The following CSMD2 variants were observed in gnomAD, a reference collection of about 807,000 sequenced individuals.
CSMD2 encodes CUB and Sushi multiple domains 2, also known as CUB and sushi domain-containing protein 2.
CSMD2 carries 130 observed loss-of-function variants against 398.5 expected under a neutral mutation model. The ratio of observed to expected loss-of-function variants is 0.33; its 90% CI spans 0.28 to 0.38. CSMD2 has a LOEUF of 0.38. Ranked by LOEUF, CSMD2 falls within the 10% of genes least tolerant of loss-of-function variation. CSMD2 has a pLI of 1.00. For missense variants in CSMD2, 3,829 were observed against 4,764.9 expected (o/e 0.80, Z 5.78); for synonymous variants, 1,828 against 1,908.5 (o/e 0.96, Z 1.10).
intron 5 of CSMD2, among the ~76,000 whole-genome samples, chr1:33,858,388 T>A (rs1570290926): frequency 6.6e-6 from 1 of 152,248 alleles, no homozygotes; most frequent in South Asian, 2.1e-4. Context: ...GTTGCTTCCT[T>A]ACCCTAGCCC....
intron 2 of CSMD2, among the ~76,000 whole-genome samples, chr1:34,050,481 G>A (rs1449849088): frequency 6.6e-6 from 1 of 152,188 alleles, no homozygotes; most frequent in East Asian, 1.9e-4. Flanking sequence ...GGATTCACTG[G>A]TCCTACCATG....
Position 33,636,455 on chromosome 1 carries a change from T to A in CSMD2, c.4874A>T (p.His1625Leu). ...GGTGCCCTCAACTTCGTAGCCCCCG[T>A]GGCAGTAGTAGGTGACGGAGGAGCC... ...KLGSSVTYYC[H>L]GGYEVEGTST... The change falls in exon 30 of 71, where the codon CAC (histidine) becomes CTC (leucine). Residue 1625 changes from histidine to leucine, a missense_variant. Physicochemically the swap from His to Leu is moderately conservative, Grantham distance 99 (BLOSUM62 -3). This residue lies in a region of CSMD2 where 2,001 missense variants were observed against 2,567.1 expected (regional missense o/e 0.78). Transcript: ENST00000373381. The surrounding 1 kb of genome is among the most constrained non-coding windows in gnomAD (Gnocchi z 4.8). The A allele has an allele frequency of 6.2e-7, 1 of 1,614,126 alleles. No individual in the cohort carries two copies. Among genetic ancestry groups the A allele is most frequent in the Non-Finnish European group, 8.5e-7 (1 of 1,180,020 alleles).
chr1:33,582,203 A>T (rs1638774021), intron 47 of CSMD2, among the ~76,000 whole-genome samples: 1 of 152,164 alleles, frequency 6.6e-6, no homozygotes, highest in Admixed American at 6.5e-5. Context: ...GGCCAGGTGG[A>T]ATTACTTAAC....
intron 9 of CSMD2, chr1:33,815,244 AC>A (rs1657325067): frequency 6.6e-6 from 1 of 151,940 alleles, no homozygotes; most frequent in South Asian, 2.1e-4. Flanking sequence ...ATTATACTTG[AC>A]CTCTCTAGAG....
chr1:33,617,603 T>G lies in CSMD2; in HGVS notation c.5842A>C (p.Ser1948Arg). 1.9e-6 allele frequency: 3 copies of G among 1,613,836 alleles called. No individual in the cohort carries two copies. Among genetic ancestry groups the G allele is most frequent in the Non-Finnish European group, 1.7e-6 (2 of 1,179,784 alleles). The change falls in exon 38 of 71, where the codon AGT becomes CGT. Residue 1948 changes from serine to arginine, a missense_variant. Coordinates refer to ENST00000373381, the MANE Select transcript of CSMD2 (RefSeq NM_001281956.2). ...CTGGGCACAGCAGGTTCCGGACAAC[T>G]GCTCAGGCCCACCGCTAGACAAGAC... ...HLEYKTVGLSSCPEPAVPSNG... is the reference protein window; with the variant it reads ...HLEYKTVGLSRCPEPAVPSNG...
In CSMD2 at chr1:33,743,579, G is replaced by T. The variant is rs571499073; in HGVS notation, c.1874C>A (p.Pro625Gln). The change falls in exon 14 of 71, where the codon CCG becomes CAG. Residue 625 changes from proline (P) to glutamine (Q), a missense_variant. Pro to Gln is a moderately conservative substitution (Grantham distance 76). This residue lies in a region of CSMD2 where 2,001 missense variants were observed against 2,567.1 expected (regional missense o/e 0.78). Transcript: ENST00000373381. ...VFSCFFNFTS[P>Q]SGVVLSPNYP... ...GTTGGGAGACAGGACAACCCCAGAC[G>T]GGCTGGTGAAGTTGAAGAAGCAGGA... 1 of 1,604,018 alleles carries T rather than the reference G, an allele frequency of 6.2e-7. No individual in the cohort carries two copies. Among genetic ancestry groups the T allele is most frequent in the East Asian group, 2.2e-5 (1 of 44,596 alleles).
chr1:33,654,449 C>T (rs1182338744), intron 27 of CSMD2, among the ~76,000 whole-genome samples: 1 of 152,140 alleles, frequency 6.6e-6, no homozygotes, highest in Admixed American at 6.5e-5. Flanking sequence ...AGGAGGCGTG[C>T]TTCTCCCCGC....
intron 2 of CSMD2, among the ~76,000 whole-genome samples, chr1:34,075,398 T>G (rs1332865269): frequency 6.6e-6 from 1 of 152,248 alleles, no homozygotes. Flanking sequence ...TCTGCTGTGA[T>G]ACATATTCAT....
intron 5 of CSMD2, among the ~76,000 whole-genome samples, chr1:33,875,990 T>C (rs1429277075): frequency 3.3e-5 from 5 of 152,172 alleles, no homozygotes; most frequent in Non-Finnish European, 7.4e-5. Flanking sequence ...GGTCTAGGTG[T>C]AGGTGCCAGG....
intron 3 of CSMD2, among the ~76,000 whole-genome samples, chr1:33,980,618 T>C (rs1283399768): frequency 6.6e-6 from 1 of 152,196 alleles, no homozygotes; most frequent in African/African-American, 2.4e-5. Flanking sequence ...ATTGCTCCAG[T>C]TCCTCCATTC....
At chr1:33,907,881 G>T (rs1374316142) in intron 5 of CSMD2, among the ~76,000 whole-genome samples, 1 of 152,036 alleles carries the variant, frequency 6.6e-6, no homozygotes, top group East Asian at 1.9e-4. Context: ...GAGGTCAGGA[G>T]TTTGAGACCA....
intron 10 of CSMD2, among the ~76,000 whole-genome samples, chr1:33,793,449 A>G (rs747033449): frequency 9.2e-5 from 14 of 152,132 alleles, no homozygotes; most frequent in Non-Finnish European, 1.9e-4. Flanking sequence ...AACTGAACAT[A>G]CCTGCTAGCT....
In CSMD2 at chr1:33,537,467, C is replaced by A. The variant is rs1655911358; in HGVS notation, c.9774G>T (p.Gly3258=). 6.2e-7 allele frequency: 1 copy of A among 1,613,864 alleles called. No individual in the cohort carries two copies. ...GSPRRFCQSD[G]TWSGTQPSCI... is the part of the protein sequence containing the mutation. ...AGCTGGGCTGGGTGCCACTCCATGT[C>A]CCATCTGACTGGCAAAACCTGCGTG... Residue 3258 remains glycine, a synonymous_variant, in exon 61 of 71, where the codon GGG becomes GGT. Transcript: ENST00000373381. This position sits in a 1 kb window ranked among gnomAD's most constrained non-coding sequence, Gnocchi z 4.6.
At chr1:34,136,134 T>A (rs1200794019) in intron 1 of CSMD2, among the ~76,000 whole-genome samples, 2 of 152,202 alleles carry the variant, frequency 1.3e-5, no homozygotes, top group Non-Finnish European at 2.9e-5. Context: ...CCTGAGAAAC[T>A]CAGAGATCTG....
chr1:33,739,204 C>T lies in CSMD2; in HGVS notation c.2304G>A (p.Glu768=), dbSNP rs369882845. ...CCTCCTTCAGGACGCAGGTGATGGT[C>T]TCTGAGCCCTGAGTCCCAAGGAAGC... is the stretch of plus-strand genomic sequence containing the variant. The part of the protein sequence containing the change: ...DEGFLGTQGS[E]TITCVLKEGS... The change falls in exon 15 of 71, where the codon GAG becomes GAA. Residue 768 remains glutamate (E), a synonymous_variant. Transcript: ENST00000373381. 3 of 1,614,062 alleles carry T rather than the reference C, an allele frequency of 1.9e-6. No individual in the cohort carries two copies. Among genetic ancestry groups the T allele is most frequent in the African/African-American group, 1.3e-5 (1 of 74,932 alleles).
chr1:34,103,474 GT>G (rs200839657), intron 1 of CSMD2, among the ~76,000 whole-genome samples: 1 of 151,756 alleles, frequency 6.6e-6, no homozygotes, highest in East Asian at 1.9e-4. Context: ...AATTTTTCAC[GT>G]TTTTAGTAGA....
intron 5 of CSMD2, among the ~76,000 whole-genome samples, chr1:33,908,204 C>T (rs1043435416): frequency 5.9e-5 from 9 of 151,998 alleles, no homozygotes; most frequent in African/African-American, 1.2e-4. Context: ...GCAGGAGAGA[C>T]GCAAACCAAC....
At chr1:33,766,245 A>G (rs1472839019) in intron 13 of CSMD2, among the ~76,000 whole-genome samples, 1 of 152,144 alleles carries the variant, frequency 6.6e-6, no homozygotes, top group Non-Finnish European at 1.5e-5. Context: ...TCCCTTTTGC[A>G]TAGGCCCAAA....
intron 2 of CSMD2, among the ~76,000 whole-genome samples, chr1:34,063,560 T>C (rs1040642704): frequency 2.0e-5 from 3 of 152,228 alleles, no homozygotes; most frequent in Non-Finnish European, 4.4e-5. Context: ...ATCCAGGTCA[T>C]GCTGATGCAA....
Sources: allele counts gnomAD v4.1 joint callset (sites outside exome capture counted in the v4.1 genomes callset), GRCh38; gene constraint gnomAD v4.1.1; regional missense constraint gnomAD v4.1.1; non-coding constraint Gnocchi (gnomAD v3.1); transcripts MANE v1.5; gene names NCBI Gene and HGNC (gene_info 2026-07-23, HGNC 2026-07-21).